Variants in CCDC90B observed in about 807,000 individuals in gnomAD.
The protein encoded by CCDC90B is coiled-coil domain containing 90B, also known as coiled-coil domain-containing protein 90B, mitochondrial.
CCDC90B carries 24 observed loss-of-function variants against 37.0 expected under a neutral mutation model. That is an observed-to-expected ratio of 0.65 (90% CI 0.47 to 0.91). CCDC90B has a LOEUF of 0.91. CCDC90B is among the 40% of genes least tolerant of loss of function. The probability of loss-of-function intolerance (pLI) is 0.00; values close to 1 mark genes in which losing one functional copy is unlikely to be tolerated. For synonymous variants in CCDC90B, 113 were observed against 101.1 expected, an observed-to-expected ratio of 1.12 and a Z score of -0.71; for missense variants, 319 against 299.0, an observed-to-expected ratio of 1.07 and a Z score of -0.49.
chr11:83,279,142 G>A (rs531217908), intron 2 of CCDC90B, among the ~76,000 whole-genome samples: 34 of 152,056 alleles, frequency 2.2e-4, no homozygotes, highest in Non-Finnish European at 4.6e-4. Flanking sequence ...ATAGCCAGGC[G>A]TGGTGGCGGG....
At chr11:83,269,660 A>G (rs918653698) in intron 7 of CCDC90B, among the ~76,000 whole-genome samples, 1 of 152,212 alleles carries the variant, frequency 6.6e-6, no homozygotes, top group Non-Finnish European at 1.5e-5. Context: ...TTGAGGCAGT[A>G]ATTAATAGCC....
At chr11:83,273,265 T>G (rs1405094867) in intron 7 of CCDC90B, 2 of 132,784 alleles carry the variant, frequency 1.5e-5, no homozygotes, top group African/African-American at 3.5e-5. Context: ...TTTTTTTTTT[T>G]TTGTTTTTGA....
Position 83,280,273 on chromosome 11 carries a change from A to C in CCDC90B, c.101-13T>G, listed in dbSNP as rs751120215. The C allele has an allele frequency of 6.2e-7, 1 of 1,608,458 alleles. No homozygotes were observed. Among genetic ancestry groups the C allele is most frequent in the Non-Finnish European group, 8.5e-7 (1 of 1,178,148 alleles). ...GTAGTGAAGAACTCTGAAAGAGAAG[A>C]CAATTTTTTTCTTTTGTAGTAACTG... On this transcript the variant is annotated splice_polypyrimidine_tract_variant and intron_variant, in intron 1 of 8. Transcript: ENST00000529689.
intron 7 of CCDC90B, among the ~76,000 whole-genome samples, chr11:83,272,761 G>A (rs1211911188): frequency 3.9e-5 from 6 of 152,172 alleles, no homozygotes; most frequent in African/African-American, 1.4e-4. Flanking sequence ...GAGCAAGAGT[G>A]ACATATTTTC....
chr11:83,285,341 G>T (rs1865618397), intron 1 of CCDC90B: 1 of 1,185,034 alleles, frequency 8.4e-7, no homozygotes, highest in Non-Finnish European at 1.1e-6. Context: ...CAACAGGTTG[G>T]AAACTTGTGG....
At position 83,285,939 on chromosome 11, in the gene CCDC90B, A is replaced by C; in HGVS notation, c.34T>G (p.Ser12Ala). ...NSRQAWRLFL[S>A]QGRGDRWVSR... Reference sequence around the variant, plus strand: ...ACCCAACGATCTCCTCTGCCTTGGGAGAGAAAGAGCCGCCAAGCCTGGCGA... The same window carrying C: ...ACCCAACGATCTCCTCTGCCTTGGGCGAGAAAGAGCCGCCAAGCCTGGCGA... The change falls in exon 1 of 9, where the codon TCC becomes GCC. Residue 12 changes from serine to alanine, a missense_variant. By Grantham distance (99) the Ser-to-Ala change is moderately conservative. Coordinates refer to ENST00000529689, the MANE Select transcript of CCDC90B (RefSeq NM_021825.5). 1 of 1,613,288 alleles carries C rather than the reference A, an allele frequency of 6.2e-7. No individual in the cohort carries two copies.
chr11:83,269,294 A>G (rs1199100262), intron 7 of CCDC90B, among the ~76,000 whole-genome samples: 2 of 152,108 alleles, frequency 1.3e-5, no homozygotes, highest in Non-Finnish European at 1.5e-5. Flanking sequence ...GGTAAGAGAT[A>G]AGAGACACAA....
rs1863832246 is a variant in CCDC90B at position 83,259,287 on chromosome 11, A to G, written c.*2624T>C. On this transcript the variant is annotated 3_prime_UTR_variant, in exon 9 of 9. Coordinates refer to ENST00000529689, the MANE Select transcript of CCDC90B (RefSeq NM_021825.5). ...CACAATCCTCTCATCCTTATTTCAT[A>G]TATTTCCATCACTGAAACAAAAATT... 6.6e-6 allele frequency: 1 copy of G among 152,174 alleles called. No homozygotes were observed. The highest frequency in any genetic ancestry group is 2.1e-4 in the South Asian group (1 of 4,820). The allele number at this position is 152,174 out of a possible 1,614,324, so 9.4% of individuals were successfully genotyped here. A position where few individuals can be genotyped will look rare whatever the true frequency, so the allele number is the denominator to read the frequency against.
chr11:83,274,948 G>C (rs774914932), intron 3 of CCDC90B, among the ~76,000 whole-genome samples: 5 of 152,154 alleles, frequency 3.3e-5, no homozygotes, highest in Non-Finnish European at 7.4e-5. Flanking sequence ...CTAGTGAAGA[G>C]AGATAAATTT....
chr11:83,274,591 A>G, intron 4 of CCDC90B, 48 bp downstream of exon 4: 1 of 1,115,448 alleles, frequency 9.0e-7, no homozygotes, highest in Non-Finnish European at 1.3e-6. Flanking sequence ...TAGGATGCTT[A>G]TTATGAGATC....
intron 1 of CCDC90B, among the ~76,000 whole-genome samples, chr11:83,280,531 A>G (rs575605055): frequency 1.3e-5 from 2 of 152,222 alleles, no homozygotes; most frequent in Non-Finnish European, 2.9e-5. Context: ...GTAATAAAAC[A>G]CACATCAAAT....
chr11:83,285,947 A>G lies in CCDC90B; in HGVS notation c.26T>C (p.Leu9Pro). ...ATCTCCTCTGCCTTGGGAGAGAAAG[A>G]GCCGCCAAGCCTGGCGACTATTCAT... MNSRQAWR[L>P]FLSQGRGDRW... The change falls in exon 1 of 9, where the codon CTC becomes CCC. Residue 9 changes from leucine to proline, a missense_variant. By Grantham distance (98) the Leu-to-Pro change is moderately conservative. Coordinates refer to ENST00000529689, the MANE Select transcript of CCDC90B (RefSeq NM_021825.5). The G allele has an allele frequency of 6.2e-7, 1 of 1,612,560 alleles. No individual in the cohort carries two copies. Among genetic ancestry groups the G allele is most frequent in the Non-Finnish European group, 8.5e-7 (1 of 1,179,504 alleles).
chr11:83,262,902 C>A (rs1317129489), intron 8 of CCDC90B, among the ~76,000 whole-genome samples: 1 of 152,104 alleles, frequency 6.6e-6, no homozygotes, highest in Non-Finnish European at 1.5e-5. Context: ...CCCATTTGAT[C>A]CTGCTACTAT....
chr11:83,264,530 T>C (rs1342552699), intron 8 of CCDC90B, among the ~76,000 whole-genome samples: 2 of 152,192 alleles, frequency 1.3e-5, no homozygotes, highest in African/African-American at 4.8e-5. Context: ...CCCCACTCTC[T>C]TCTGGCTTTG....
In CCDC90B at chr11:83,285,950, C is replaced by T. The variant is rs1262244265; in HGVS notation, c.23G>A (p.Arg8Gln). The change falls in exon 1 of 9, where the codon CGG (arginine) becomes CAG (glutamine). Residue 8 changes from arginine (R) to glutamine (Q), a missense_variant. Arg to Gln is a conservative substitution (Grantham distance 43). Transcript: ENST00000529689. Reference protein sequence around the residue: MNSRQAWRLFLSQGRGDR... With the variant: MNSRQAWQLFLSQGRGDR... ...TCCTCTGCCTTGGGAGAGAAAGAGC[C>T]GCCAAGCCTGGCGACTATTCATGTC... The T allele has an allele frequency of 7.4e-6, 12 of 1,612,496 alleles. No homozygotes were observed. The highest frequency in any genetic ancestry group is 1.3e-5 in the African/African-American group (1 of 74,880).
intron 1 of CCDC90B, among the ~76,000 whole-genome samples, chr11:83,282,971 A>G (rs1227220476): frequency 6.6e-6 from 1 of 152,234 alleles, no homozygotes; most frequent in Non-Finnish European, 1.5e-5. Context: ...TCATTTATGG[A>G]TTAATCTATG....
At chr11:83,276,874 A>G (rs1865064335) in intron 3 of CCDC90B, among the ~76,000 whole-genome samples, 1 of 152,168 alleles carries the variant, frequency 6.6e-6, no homozygotes, top group African/African-American at 2.4e-5. Flanking sequence ...AAATTTTCAG[A>G]ATAAGACTTT....
At chr11:83,269,499 T>C (rs759918033) in intron 7 of CCDC90B, among the ~76,000 whole-genome samples, 16 of 151,860 alleles carry the variant, frequency 1.1e-4, no homozygotes, top group South Asian at 2.1e-4. Flanking sequence ...CCCACAGATA[T>C]AGACTACCAT....
At chr11:83,275,639 C>A (rs893289630) in intron 3 of CCDC90B, among the ~76,000 whole-genome samples, 1 of 152,114 alleles carries the variant, frequency 6.6e-6, no homozygotes, top group African/African-American at 2.4e-5. Flanking sequence ...ATTTCTCTAT[C>A]CTTTACCAAA....
Sources: allele counts gnomAD v4.1 joint callset (sites outside exome capture counted in the v4.1 genomes callset), GRCh38; gene constraint gnomAD v4.1.1; transcripts MANE v1.5; gene names NCBI Gene and HGNC (gene_info 2026-07-23, HGNC 2026-07-21).